NEGR1: variants seen among roughly 807,000 people sequenced by gnomAD.
NEGR1 encodes the protein neuronal growth regulator 1.
Under a neutral mutation model 40.9 loss-of-function variants are expected in NEGR1, and 10 were observed. The observed-to-expected ratio is 0.24, with a 90% CI of 0.15 to 0.42. NEGR1 has a LOEUF of 0.42. NEGR1 is among the 10% of genes least tolerant of loss of function. The pLI is 1.00. For missense variants in NEGR1, 352 were observed against 438.9 expected (o/e 0.80, Z 1.77); for synonymous variants, 185 against 166.8 (o/e 1.11, Z -0.84).
At chr1:71,990,137 G>T (rs564246488) in intron 1 of NEGR1, among the ~76,000 whole-genome samples, 1 of 152,148 alleles carries the variant, frequency 6.6e-6, no homozygotes, top group South Asian at 2.1e-4. Context: ...GTATCATACT[G>T]CTTTTCTCAT....
chr1:72,103,342 A>C (rs902534796), intron 1 of NEGR1, among the ~76,000 whole-genome samples: 6 of 152,070 alleles, frequency 3.9e-5, no homozygotes, highest in Non-Finnish European at 1.5e-5. Flanking sequence ...CTCTTTTTAG[A>C]ATATGGTATG....
chr1:71,632,599 A>G (rs1651010972), intron 4 of NEGR1, among the ~76,000 whole-genome samples: 1 of 151,562 alleles, frequency 6.6e-6, no homozygotes, highest in Non-Finnish European at 1.5e-5. Flanking sequence ...ATTGATTGAT[A>G]TAGCATATTA....
At chr1:71,719,195 G>A (rs373269645) in intron 3 of NEGR1, among the ~76,000 whole-genome samples, 2 of 152,088 alleles carry the variant, frequency 1.3e-5, no homozygotes, top group Non-Finnish European at 2.9e-5. Context: ...GAAACAACAT[G>A]ATGATATATG....
chr1:71,814,378 T>G (rs879093395), intron 2 of NEGR1, among the ~76,000 whole-genome samples: 1 of 152,258 alleles, frequency 6.6e-6, no homozygotes, highest in South Asian at 2.1e-4. Flanking sequence ...TTTTCTTTTT[T>G]GTGTGTGTCT....
At position 71,915,313 on chromosome 1, in the gene NEGR1, G is replaced by GA. The variant is rs544113851; in HGVS notation, c.409+19765dup. 9.9e-5 allele frequency among the ~76,000 whole-genome samples: 15 copies of GA among 152,084 alleles called. No individual in the cohort carries two copies. The South Asian group carries it at 2.7e-3, about 27-fold the overall frequency. ...GTTGTGCTGTCATCACTAAAGAATAGAAAAAATAGAAAGTTGGAGAAATAA... is the reference window on the plus strand; with the variant it reads ...GTTGTGCTGTCATCACTAAAGAATAGAAAAAAATAGAAAGTTGGAGAAATAA... On this transcript the variant is annotated intron_variant, in intron 2 of 6. Coordinates refer to ENST00000357731, the MANE Select transcript of NEGR1 (RefSeq NM_173808.3).
chr1:71,888,553 C>G (rs1306479583), intron 2 of NEGR1, among the ~76,000 whole-genome samples: 2 of 150,886 alleles, frequency 1.3e-5, no homozygotes, highest in African/African-American at 2.4e-5. Context: ...CCACACCTGG[C>G]TGAGAGGGTC....
intron 2 of NEGR1, among the ~76,000 whole-genome samples, chr1:71,877,950 T>G (rs1660478499): frequency 6.6e-6 from 1 of 152,194 alleles, no homozygotes; most frequent in African/African-American, 2.4e-5. Flanking sequence ...TGTCATGGCC[T>G]GAACTTCATT....
rs1430173723 is a variant in NEGR1, at chr1:72,024,832, C to G, written c.177-89521G>C. Among the ~76,000 whole-genome samples, 4 of 152,276 alleles carry G rather than the reference C, an allele frequency of 2.6e-5. No homozygotes were observed. In the South Asian group the frequency reaches 8.3e-4, roughly 32 times the overall value. On this transcript the variant is annotated intron_variant, in intron 1 of 6. Transcript: ENST00000357731. ...CCTGACGATTACAAATCTTTAAAAC[C>G]TCTTTATGCAGAACTTGACAGCTAT...
In NEGR1 at chr1:71,418,125, A is replaced by G. The variant is rs564937374; in HGVS notation, c.941-10555T>C. Among the ~76,000 whole-genome samples the G allele has an allele frequency of 1.4e-4, 20 of 147,166 alleles. No homozygotes were observed. In the South Asian group the frequency reaches 3.4e-3, roughly 25 times the overall value. On this transcript the variant is annotated intron_variant, in intron 6 of 6. Coordinates refer to ENST00000357731, the MANE Select transcript of NEGR1 (RefSeq NM_173808.3). ...CACTGTGATGTTTTACTGGATAGTA[A>G]TGTTGACTCTTGTGTTGAGATAGAC...
chr1:72,076,236 G>T (rs894054685), intron 1 of NEGR1, among the ~76,000 whole-genome samples: 8 of 152,086 alleles, frequency 5.3e-5, no homozygotes, highest in Admixed American at 1.3e-4. Flanking sequence ...TGTCATAAGG[G>T]TAGAGTCCTC....
chr1:71,579,493 G>A (rs568469199), intron 6 of NEGR1, among the ~76,000 whole-genome samples: 3 of 152,178 alleles, frequency 2.0e-5, no homozygotes, highest in Admixed American at 6.5e-5. Context: ...CAAGCATGCA[G>A]TCTACAAATG....
At chr1:71,594,524 T>C (rs1179049161) in intron 5 of NEGR1, among the ~76,000 whole-genome samples, 1 of 152,206 alleles carries the variant, frequency 6.6e-6, no homozygotes, top group Non-Finnish European at 1.5e-5. Flanking sequence ...TTACCCCAAA[T>C]GCAAACTTTA....
chr1:72,207,487 C>T (rs116234446), intron 1 of NEGR1, among the ~76,000 whole-genome samples: 5,256 of 151,724 alleles, frequency 0.035, 296 homozygotes, highest in African/African-American at 0.12. Flanking sequence ...TTTAGAGGAG[C>T]CTTTGTGGAT....
At chr1:71,693,031 T>C (rs1653346461) in intron 4 of NEGR1, among the ~76,000 whole-genome samples, 1 of 151,754 alleles carries the variant, frequency 6.6e-6, no homozygotes, top group South Asian at 2.1e-4. Flanking sequence ...TCTTTGTTTT[T>C]TTCCAATTAG....
chr1:72,269,271 A>G (rs552570712), intron 1 of NEGR1, among the ~76,000 whole-genome samples: 2 of 151,718 alleles, frequency 1.3e-5, no homozygotes, highest in Admixed American at 1.3e-4. Context: ...GGATCTTCCT[A>G]TCTTGGGAAA....
chr1:71,915,428 CAAAT>C (rs1179019345), intron 2 of NEGR1, among the ~76,000 whole-genome samples: 3 of 152,048 alleles, frequency 2.0e-5, no homozygotes, highest in Admixed American at 1.3e-4. Context: ...GGAGCAAAAA[CAAAT>C]AACTGACCTT....
intron 1 of NEGR1, among the ~76,000 whole-genome samples, chr1:72,175,447 T>C (rs1198301403): frequency 6.6e-6 from 1 of 152,014 alleles, no homozygotes; most frequent in African/African-American, 2.4e-5. Flanking sequence ...AATTTAAGAG[T>C]CTAATTGGGC....
intron 1 of NEGR1, among the ~76,000 whole-genome samples, chr1:72,022,694 AGT>A (rs925089350): frequency 6.6e-5 from 10 of 152,214 alleles, no homozygotes; most frequent in Non-Finnish European, 1.3e-4. Context: ...TTATTTTAAA[AGT>A]TTACAAGAAT....
intron 1 of NEGR1, among the ~76,000 whole-genome samples, chr1:72,098,128 T>C (rs75810132): frequency 0.028 from 4,222 of 152,202 alleles, 179 homozygotes; most frequent in African/African-American, 0.096. Flanking sequence ...TAATTGATCT[T>C]TTAACAGGAA....
Sources: gnomAD v4.1 joint callset for allele counts (sites outside exome capture counted in the v4.1 genomes callset) on GRCh38, gnomAD v4.1.1 for gene constraint, MANE v1.5 for transcripts, NCBI Gene and HGNC (gene_info 2026-07-23, HGNC 2026-07-21) for gene names.